Variants in ADARB2 observed in about 807,000 individuals in gnomAD.
The protein encoded by ADARB2 is inactive double-stranded RNA-specific editase B2.
A neutral mutation model predicts 62.2 loss-of-function variants in ADARB2; 25 were observed. The observed-to-expected ratio is 0.40, with a 90% CI of 0.29 to 0.56. The LOEUF (loss-of-function observed/expected upper bound fraction) is 0.56. Ranked by LOEUF, ADARB2 falls within the 20% of genes least tolerant of loss-of-function variation. The probability of loss-of-function intolerance (pLI) is 0.43; values close to 1 mark genes in which losing one functional copy is unlikely to be tolerated. For missense variants in ADARB2, 1,071 were observed against 1,077.4 expected, an observed-to-expected ratio of 0.99 and a Z score of 0.08; for synonymous variants, 572 against 500.8, an observed-to-expected ratio of 1.14 and a Z score of -1.90.
intron 3 of ADARB2, among the ~76,000 whole-genome samples, chr10:1,304,562 C>G (rs892055697): frequency 6.6e-6 from 1 of 152,178 alleles, no homozygotes; most frequent in African/African-American, 2.4e-5. Context: ...CCCAAATCAA[C>G]AGAATATACA....
chr10:1,279,948 G>A (rs1232196685), intron 3 of ADARB2, among the ~76,000 whole-genome samples: 3 of 152,196 alleles, frequency 2.0e-5, no homozygotes, highest in Non-Finnish European at 4.4e-5. Context: ...CCTTAGTGCT[G>A]ATGCTGGAAT....
intron 4 of ADARB2, among the ~76,000 whole-genome samples, chr10:1,265,143 G>A (rs1263712734): frequency 6.6e-6 from 1 of 152,212 alleles, no homozygotes; most frequent in Non-Finnish European, 1.5e-5. Flanking sequence ...CGCCCTCAGG[G>A]CATCAGGAAA....
chr10:1,195,748 C>T (rs144826559), intron 8 of ADARB2, among the ~76,000 whole-genome samples: 2 of 152,234 alleles, frequency 1.3e-5, no homozygotes, highest in Admixed American at 6.5e-5. Context: ...TGGCTCACTG[C>T]AGCAGGGTGA....
chr10:1,355,865 G>A (rs565643836), intron 3 of ADARB2, among the ~76,000 whole-genome samples: 2 of 152,196 alleles, frequency 1.3e-5, no homozygotes, highest in South Asian at 2.1e-4. Flanking sequence ...TATATGTTGT[G>A]TAAACATATC....
At chr10:1,268,653 G>A (rs1383994972) in intron 4 of ADARB2, among the ~76,000 whole-genome samples, 5 of 152,168 alleles carry the variant, frequency 3.3e-5, no homozygotes, top group Non-Finnish European at 7.4e-5. Flanking sequence ...AAGTAAATGA[G>A]TATCTAAAAA....
intron 1 of ADARB2, among the ~76,000 whole-genome samples, chr10:1,442,027 A>T (rs1830911640): frequency 6.6e-6 from 1 of 152,262 alleles, no homozygotes; most frequent in African/African-American, 2.4e-5. Flanking sequence ...CCAATGCATG[A>T]TAAAACATCC....
intron 1 of ADARB2, among the ~76,000 whole-genome samples, chr10:1,616,423 C>A (rs1388236681): frequency 6.6e-6 from 1 of 151,884 alleles, no homozygotes; most frequent in Non-Finnish European, 1.5e-5. Flanking sequence ...GAACTGGCCT[C>A]AGAGGGTTGC....
chr10:1,531,231 G>A (rs951254329), intron 1 of ADARB2, among the ~76,000 whole-genome samples: 4 of 152,190 alleles, frequency 2.6e-5, no homozygotes, highest in East Asian at 1.9e-4. Flanking sequence ...GTGAGTGGCC[G>A]AACAGGTCTT....
chr10:1,663,556 G>C (rs1388623173), intron 1 of ADARB2, among the ~76,000 whole-genome samples: 1 of 152,100 alleles, frequency 6.6e-6, no homozygotes, highest in Non-Finnish European at 1.5e-5. Flanking sequence ...TTGCAGATGG[G>C]CTTCTTTCAC....
rs1377611773 is a variant in ADARB2, at chr10:1,379,106, C to A, written c.155G>T (p.Gly52Val). The part of the protein sequence containing the change: ...FLAPFKHLSP[G>V]ITNTEDDDTL... The stretch of plus-strand genomic sequence containing the variant: ...GTCGTCATCCTCCGTGTTTGTGATG[C>A]CAGGACTCAGGTGCTTGAAAGGAGC... The change falls in exon 2 of 10, where the codon GGC becomes GTC. Residue 52 changes from glycine (G) to valine (V), a missense_variant. By Grantham distance (109) the Gly-to-Val change is moderately radical. Transcript: ENST00000381312. 8 of 1,613,714 alleles carry A rather than the reference C, an allele frequency of 5.0e-6. No homozygotes were observed. The Admixed American group carries it at 1.0e-4, about 20-fold the overall frequency.
intron 4 of ADARB2, among the ~76,000 whole-genome samples, chr10:1,246,852 T>A (rs1830990345): frequency 6.6e-6 from 1 of 151,852 alleles, no homozygotes; most frequent in Non-Finnish European, 1.5e-5. Flanking sequence ...AACTTTAGTT[T>A]TTTCCAGTTC....
At chr10:1,525,198 G>A (rs897352545) in intron 1 of ADARB2, among the ~76,000 whole-genome samples, 1 of 152,164 alleles carries the variant, frequency 6.6e-6, no homozygotes, top group Non-Finnish European at 1.5e-5. Context: ...CTTTTTGTAT[G>A]TTTGGGGGAG....
chr10:1,650,520 G>A (rs972664089), intron 1 of ADARB2, among the ~76,000 whole-genome samples: 14 of 152,112 alleles, frequency 9.2e-5, no homozygotes, highest in Admixed American at 2.6e-4. Context: ...ACGCACCTCC[G>A]CCAGTCTTGG....
intron 3 of ADARB2, among the ~76,000 whole-genome samples, chr10:1,271,302 G>A (rs912479651): frequency 1.3e-5 from 2 of 152,182 alleles, no homozygotes; most frequent in African/African-American, 2.4e-5. Flanking sequence ...CCCCAGCATT[G>A]CTCTCAGCAG....
chr10:1,720,027 A>G lies in ADARB2; in HGVS notation c.100+17024T>C, dbSNP rs373258730. 5.3e-5 allele frequency among the ~76,000 whole-genome samples: 8 copies of G among 152,318 alleles called. No homozygotes were observed. The South Asian group carries it at 1.7e-3, about 32-fold the overall frequency. On this transcript the variant is annotated intron_variant, in intron 1 of 9. Transcript: ENST00000381312. ...CCAGCAGTCACATTCCTGGGGGTAT[A>G]CCCACCCCCCACCAAATAAATTGTT...
intron 1 of ADARB2, among the ~76,000 whole-genome samples, chr10:1,507,098 G>A (rs1831862173): frequency 1.3e-5 from 2 of 152,236 alleles, no homozygotes; most frequent in Admixed American, 6.5e-5. Flanking sequence ...GACGGTGGCC[G>A]AGACAGAAGC....
rs1836650206 is a variant in ADARB2 at position 1,180,221 on chromosome 10, C to T, written c.*2972G>A. ...CTGGGACCTGGGTCTTCCAGGCACA[C>T]CTGGGGCTGTGGGAATCCTGGGACC... On this transcript the variant is annotated 3_prime_UTR_variant, in exon 10 of 10. Coordinates refer to ENST00000381312, the MANE Select transcript of ADARB2 (RefSeq NM_018702.4). The T allele has an allele frequency of 6.6e-6, 1 of 152,170 alleles. No individual in the cohort carries two copies. Among genetic ancestry groups the T allele is most frequent in the African/African-American group, 2.4e-5 (1 of 41,398 alleles). The allele number at this position is 152,170 out of a possible 1,614,324, so 9.4% of individuals were successfully genotyped here. A position where few individuals can be genotyped will look rare whatever the true frequency, so the allele number is the denominator to read the frequency against.
chr10:1,350,505 C>A (rs545155978), intron 3 of ADARB2, among the ~76,000 whole-genome samples: 6 of 152,166 alleles, frequency 3.9e-5, no homozygotes, highest in Non-Finnish European at 8.8e-5. Context: ...AGTTTCGTTC[C>A]GTGACTAGCT....
At position 1,346,915 on chromosome 10, in the gene ADARB2, G is replaced by A. The variant is rs142600809; in HGVS notation, c.1077+16113C>T. On this transcript the variant is annotated intron_variant, in intron 3 of 9. Transcript: ENST00000381312. ...CTGCAGATTGCATGTCAATGGGGAC[G>A]TGTGCCTGTTTGCTGCTCTTCAAAT... Among the ~76,000 whole-genome samples the A allele has an allele frequency of 7.2e-5, 11 of 152,388 alleles. 1 individual carries two copies. The highest frequency in any genetic ancestry group is 3.9e-4 in the Admixed American group (6 of 15,310).
Sources: gnomAD v4.1 joint callset for allele counts (sites outside exome capture counted in the v4.1 genomes callset) on GRCh38, gnomAD v4.1.1 for gene constraint, MANE v1.5 for transcripts, NCBI Gene and HGNC (gene_info 2026-07-23, HGNC 2026-07-21) for gene names.